The following RBM20 variants were observed in gnomAD, a reference collection of about 807,000 sequenced individuals.
The protein encoded by RBM20 is RNA-binding protein 20.
In RBM20, 51 loss-of-function variants were observed where a neutral mutation model predicts 110.1. That is an observed-to-expected ratio of 0.46 (90% CI 0.37 to 0.59). The LOEUF (loss-of-function observed/expected upper bound fraction) is 0.59. Among genes scored for constraint, RBM20 ranks in the 20% least tolerant of loss-of-function variants. RBM20 has a pLI of 0.00. For synonymous variants in RBM20, 589 were observed against 618.2 expected (o/e 0.95, Z 0.70); for missense variants, 1,512 against 1,574.9 (o/e 0.96, Z 0.68).
chr10:110,647,266 G>C (rs1406566251), intron 1 of RBM20, among the ~76,000 whole-genome samples: 2 of 152,194 alleles, frequency 1.3e-5, no homozygotes, highest in Non-Finnish European at 2.9e-5. Flanking sequence ...GACTAATAAT[G>C]AGACTGATTT....
chr10:110,816,539 C>CCCTCCTCT (rs1008199228), intron 9 of RBM20, among the ~76,000 whole-genome samples: 2 of 152,138 alleles, frequency 1.3e-5, no homozygotes, highest in African/African-American at 4.8e-5. Flanking sequence ...CACCTCAACC[C>CCCTCCTCT]CCTCCTCTCC....
chr10:110,822,612 G>A lies in RBM20; in HGVS notation c.3316+677G>A, dbSNP rs12774628. The A allele has an allele frequency of 3.9e-5, 15 of 384,034 alleles. No individual in the cohort carries two copies. The East Asian group carries it at 9.5e-4, about 24-fold the overall frequency. 23.8% of individuals were successfully genotyped at this position (384,034 alleles called of 1,614,324 possible). On this transcript the variant is annotated intron_variant, in intron 11 of 13. Transcript: ENST00000369519. ...GGTTTGGGGGGAGGGAGAGAGAGTA[G>A]CCTTTAAGATTCTCACTGTGAAAAT...
chr10:110,676,275 C>T (rs1862337911), intron 1 of RBM20, among the ~76,000 whole-genome samples: 1 of 152,220 alleles, frequency 6.6e-6, no homozygotes, highest in Non-Finnish European at 1.5e-5. Flanking sequence ...TGTCCTCGCT[C>T]TGCTGGTTCC....
At chr10:110,767,239 C>A (rs1177627881) in intron 1 of RBM20, among the ~76,000 whole-genome samples, 2 of 125,714 alleles carry the variant, frequency 1.6e-5, no homozygotes, top group African/African-American at 6.2e-5. Flanking sequence ...CCCTCCCGGA[C>A]GGGGTGGCTG....
At chr10:110,715,812 A>G (rs1260318019) in intron 1 of RBM20, among the ~76,000 whole-genome samples, 2 of 152,318 alleles carry the variant, frequency 1.3e-5, no homozygotes, top group East Asian at 3.9e-4. Context: ...TTACAATTAC[A>G]GTACTGAAGG....
At chr10:110,694,500 A>G (rs1349032823) in intron 1 of RBM20, among the ~76,000 whole-genome samples, 1 of 152,210 alleles carries the variant, frequency 6.6e-6, no homozygotes, top group Non-Finnish European at 1.5e-5. Flanking sequence ...ACCTTCCAGA[A>G]TTGTAAGTGA....
At position 110,784,878 on chromosome 10, in the gene RBM20, G is replaced by A. The variant is rs1590677676; in HGVS notation, c.1516G>A (p.Val506Met). ...QSSPTFPLAS[V>M]GTTFAQRKGA... ...AAGCCCCACATTTCCTTTGGCTTCT[G>A]TGGGGACAACTGTGAGTACGGAAAC... Residue 506 changes from valine (V) to methionine (M), a missense_variant, in exon 5 of 14, where the codon GTG (valine) becomes ATG (methionine). Physicochemically the swap from Val to Met is conservative, Grantham distance 21. Around this residue, in one of 3 missense-constraint regions of RBM20, gnomAD observed 1,149 missense variants for 1,169.4 expected, o/e 0.98. Transcript: ENST00000369519. 1 of 1,538,182 alleles carries A rather than the reference G, an allele frequency of 6.5e-7. No individual in the cohort carries two copies. Among genetic ancestry groups the A allele is most frequent in the Non-Finnish European group, 8.8e-7 (1 of 1,135,122 alleles).
intron 1 of RBM20, among the ~76,000 whole-genome samples, chr10:110,704,604 C>T (rs932148376): frequency 6.6e-6 from 1 of 152,212 alleles, no homozygotes; most frequent in Non-Finnish European, 1.5e-5. Context: ...CTGGCTTTTA[C>T]AATGTATCCA....
chr10:110,824,121 A>G (rs940524778), intron 12 of RBM20, among the ~76,000 whole-genome samples: 1 of 152,208 alleles, frequency 6.6e-6, no homozygotes, highest in African/African-American at 2.4e-5. Context: ...GTAATAGACC[A>G]GATACTCCGT....
intron 7 of RBM20, among the ~76,000 whole-genome samples, chr10:110,808,462 A>T (rs1229690956): frequency 1.3e-5 from 2 of 152,138 alleles, no homozygotes; most frequent in Non-Finnish European, 2.9e-5. Flanking sequence ...CTCCAGTTTG[A>T]CATAAGGGAC....
At chr10:110,792,448 T>C (rs1844496690) in intron 5 of RBM20, among the ~76,000 whole-genome samples, 1 of 152,198 alleles carries the variant, frequency 6.6e-6, no homozygotes, top group Non-Finnish European at 1.5e-5. Context: ...GCACCGTACA[T>C]TCACGGTGGC....
rs749447387 is a variant in RBM20 at position 110,673,188 on chromosome 10, TTTTC to T, written c.191+28551_191+28554del. Reference sequence around the variant, plus strand: ...TTCTTGATACATATTCCTGAATGGCTTTTCTTTCTTTTTTCTTTTTTCTTTTTTT... The same window carrying T: ...TTCTTGATACATATTCCTGAATGGCTTTTCTTTTTTCTTTTTTCTTTTTTT... On this transcript the variant is annotated intron_variant, in intron 1 of 13. Transcript: ENST00000369519. 1.3e-4 allele frequency among the ~76,000 whole-genome samples: 20 copies of T among 152,198 alleles called. No individual in the cohort carries two copies. The Middle Eastern group carries it at 0.01, about 78-fold the overall frequency.
intron 5 of RBM20, among the ~76,000 whole-genome samples, chr10:110,788,503 C>T (rs1349694542): frequency 6.6e-6 from 1 of 152,232 alleles, no homozygotes; most frequent in Non-Finnish European, 1.5e-5. Flanking sequence ...ATCTGAGGGA[C>T]AAGGACAAAG....
At chr10:110,683,447 C>T (rs770847109) in intron 1 of RBM20, among the ~76,000 whole-genome samples, 4 of 152,218 alleles carry the variant, frequency 2.6e-5, no homozygotes, top group Non-Finnish European at 4.4e-5. Context: ...AATGTTTTCT[C>T]GTAAATGCTA....
intron 1 of RBM20, among the ~76,000 whole-genome samples, chr10:110,750,851 AG>A (rs763478445): frequency 3.2e-4 from 48 of 152,284 alleles, no homozygotes; most frequent in Non-Finnish European, 5.4e-4. Flanking sequence ...TGATGAAGGA[AG>A]GGTGCGATGG....
intron 1 of RBM20, among the ~76,000 whole-genome samples, chr10:110,649,603 T>G (rs1861918485): frequency 6.6e-6 from 1 of 152,188 alleles, no homozygotes; most frequent in Admixed American, 6.5e-5. Context: ...TTAATCTGAT[T>G]TTTATTTCCT....
chr10:110,808,492 G>T (rs1461995084), intron 7 of RBM20, among the ~76,000 whole-genome samples: 3 of 152,156 alleles, frequency 2.0e-5, no homozygotes, highest in African/African-American at 7.2e-5. Context: ...AAGTTGTGGT[G>T]CCTTTTCTTG....
In RBM20 at chr10:110,799,823, G is replaced by A. The variant is rs976197437; in HGVS notation, c.1705G>A (p.Ala569Thr). 11 of 1,551,660 alleles carry A rather than the reference G, an allele frequency of 7.1e-6. No homozygotes were observed. The East Asian group carries it at 1.2e-4, about 17-fold the overall frequency. The change falls in exon 7 of 14, where the codon GCC becomes ACC. Residue 569 changes from alanine to threonine, a missense_variant. Ala to Thr is a moderately conservative substitution (Grantham distance 58). This residue lies in a region of RBM20 where 1,149 missense variants were observed against 1,169.4 expected (regional missense o/e 0.98). Coordinates refer to ENST00000369519, the MANE Select transcript of RBM20 (RefSeq NM_001134363.3). ...GATGGCTTACACAGAAGCTGCACAG[G>A]CCATGGTCCAGTATTATCAAGAAAA... ...LEMAYTEAAQ[A>T]MVQYYQEKSA...
chr10:110,751,707 AT>A (rs1489019959), intron 1 of RBM20, among the ~76,000 whole-genome samples: 5 of 152,304 alleles, frequency 3.3e-5, no homozygotes, highest in African/African-American at 1.2e-4. Flanking sequence ...GGATGAAACC[AT>A]TTTTGGAGAA....
Sources: allele counts gnomAD v4.1 joint callset (sites outside exome capture counted in the v4.1 genomes callset), GRCh38; gene constraint gnomAD v4.1.1; regional missense constraint gnomAD v4.1.1; transcripts MANE v1.5; gene names NCBI Gene and HGNC (gene_info 2026-07-23, HGNC 2026-07-21).